The following TNRC6B variants were observed in gnomAD, a reference collection of about 807,000 sequenced individuals.
The protein encoded by TNRC6B is trinucleotide repeat containing adaptor 6B.
A neutral mutation model predicts 203.6 loss-of-function variants in TNRC6B; 52 were observed. The observed-to-expected ratio is 0.26, with a 90% CI of 0.20 to 0.32. The LOEUF is 0.32. TNRC6B is among the 10% of genes least tolerant of loss of function. TNRC6B has a pLI of 1.00. For missense variants in TNRC6B, 1,923 were observed against 2,286.2 expected (o/e 0.84, Z 3.24); for synonymous variants, 838 against 845.7 (o/e 0.99, Z 0.16).
chr22:40,149,087 T>G (rs569985295), intron 3 of TNRC6B, among the ~76,000 whole-genome samples: 6 of 152,358 alleles, frequency 3.9e-5, no homozygotes, highest in African/African-American at 1.4e-4. Context: ...TGAGTGTTCA[T>G]AGCAGCTTTA....
intron 1 of TNRC6B, among the ~76,000 whole-genome samples, chr22:40,115,503 A>T (rs1476768545): frequency 6.6e-6 from 1 of 152,282 alleles, no homozygotes; most frequent in East Asian, 1.9e-4. Context: ...ACATTCAAGT[A>T]CTGAATTGCT....
chr22:40,166,238 T>G (rs7285909), intron 4 of TNRC6B, among the ~76,000 whole-genome samples: 103,109 of 151,976 alleles, frequency 0.68, 36,746 homozygotes, highest in African/African-American at 0.9. Context: ...AAAAGCAAAC[T>G]AATTTCAAAG....
In TNRC6B at chr22:40,312,566, T is replaced by C; in HGVS notation, c.4497T>C (p.Tyr1499=). The change falls in exon 18 of 23, where the codon TAT becomes TAC. Residue 1499 remains tyrosine, a synonymous_variant. Transcript: ENST00000454349. ...ACATTGACCCTGAATCTGACCCCTA[T>C]GTCACCCCAGGAAGTGTGCTGGGGG... ...IQNIDPESDP[Y]VTPGSVLGGT... 6.2e-7 allele frequency: 1 copy of C among 1,614,088 alleles called. No homozygotes were observed. The highest frequency in any genetic ancestry group is 1.3e-5 in the African/African-American group (1 of 75,006).
chr22:40,315,685 A>AAAGTGACCCAAGAACTCCC (rs1555899856), intron 20 of TNRC6B, among the ~76,000 whole-genome samples, 178 bp downstream of exon 20: 3 of 151,900 alleles, frequency 2.0e-5, no homozygotes, highest in African/African-American at 4.8e-5. Flanking sequence ...AGTATAAGGC[A>AAAGTGACCCAAGAACTCCC]AAGGGACAGA....
intron 1 of TNRC6B, among the ~76,000 whole-genome samples, chr22:40,212,943 G>A (rs931902807): frequency 1.3e-5 from 2 of 152,060 alleles, no homozygotes; most frequent in East Asian, 1.9e-4. Context: ...AGCCACCGCC[G>A]CGCCTGGCCC....
intron 1 of TNRC6B, among the ~76,000 whole-genome samples, chr22:40,235,987 A>T (rs1271013974): frequency 1.3e-5 from 2 of 152,190 alleles, no homozygotes; most frequent in African/African-American, 4.8e-5. Context: ...AATTTTTGAG[A>T]TAATTGTAGG....
intron 3 of TNRC6B, among the ~76,000 whole-genome samples, chr22:40,133,440 C>A (rs79709403): frequency 6.6e-6 from 1 of 152,192 alleles, no homozygotes; most frequent in African/African-American, 2.4e-5. Flanking sequence ...CTCTGCATTT[C>A]GGGCACTTTT....
chr22:40,250,445 T>C (rs2070175520), intron 2 of TNRC6B, among the ~76,000 whole-genome samples: 1 of 152,088 alleles, frequency 6.6e-6, no homozygotes, highest in Admixed American at 6.6e-5. Context: ...TATTAGTTAC[T>C]ATATAAAGAA....
chr22:40,280,020 T>A lies in TNRC6B; in HGVS notation c.3288T>A (p.Asp1096Glu). The change falls in exon 10 of 23, where the codon GAT (aspartate) becomes GAA (glutamate). Residue 1096 changes from aspartate to glutamate, a missense_variant. Transcript: ENST00000454349. ...GAAGCCTTTCAGATAAAAAATTTGA[T>A]GTGGACAAGCGAGCGATGAATCTCG... ...SVGSLSDKKFDVDKRAMNLGD... is the reference protein window; with the variant it reads ...SVGSLSDKKFEVDKRAMNLGD... 6.2e-7 allele frequency: 1 copy of A among 1,613,908 alleles called. No individual in the cohort carries two copies.
intron 1 of TNRC6B, among the ~76,000 whole-genome samples, chr22:40,085,076 T>C (rs1174447466): frequency 6.6e-6 from 1 of 152,218 alleles, no homozygotes; most frequent in Non-Finnish European, 1.5e-5. Context: ...GTCAGACTGC[T>C]GTGTTGTGAG....
intron 1 of TNRC6B, among the ~76,000 whole-genome samples, chr22:40,226,332 A>G (rs2146443263): frequency 6.6e-6 from 1 of 152,234 alleles, no homozygotes; most frequent in African/African-American, 2.4e-5. Context: ...ATTTTTTTCA[A>G]TACCAAGATA....
At chr22:40,162,549 TATAG>T (rs2068880162) in intron 4 of TNRC6B, among the ~76,000 whole-genome samples, 1 of 152,238 alleles carries the variant, frequency 6.6e-6, no homozygotes, top group African/African-American at 2.4e-5. Flanking sequence ...TCATAGATTT[TATAG>T]ATAATCATCT....
chr22:40,171,936 C>A (rs1427927529), intron 4 of TNRC6B, among the ~76,000 whole-genome samples: 1 of 152,204 alleles, frequency 6.6e-6, no homozygotes, highest in African/African-American at 2.4e-5. Context: ...TTTCAGCTCA[C>A]TGCAGCCTCC....
At chr22:40,281,431 T>C in intron 11 of TNRC6B, 142 bp downstream of exon 11, 1 of 607,582 alleles carries the variant, frequency 1.6e-6, no homozygotes, top group South Asian at 5.1e-5. Context: ...AGGTTCTAGA[T>C]CTTTCAGCCC....
chr22:40,248,268 C>T (rs965643147), intron 2 of TNRC6B, among the ~76,000 whole-genome samples: 1 of 152,188 alleles, frequency 6.6e-6, no homozygotes, highest in Admixed American at 6.5e-5. Context: ...CCCTCCACCT[C>T]CAACTGGAGG....
At chr22:40,276,573 A>G (rs2070647791) in intron 7 of TNRC6B, among the ~76,000 whole-genome samples, 3 of 152,170 alleles carry the variant, frequency 2.0e-5, no homozygotes, top group Admixed American at 1.3e-4. Context: ...GGTGTCTTCC[A>G]CTAGGTCTCT....
intron 14 of TNRC6B, 50 bp downstream of exon 14, chr22:40,301,055 C>G (rs2071016276): frequency 6.3e-7 from 1 of 1,584,736 alleles, no homozygotes; most frequent in African/African-American, 1.3e-5. Context: ...GGAGTACATC[C>G]CGGCTTAGCC....
At chr22:40,068,553 G>A (rs1409086885) in intron 1 of TNRC6B, among the ~76,000 whole-genome samples, 1 of 151,706 alleles carries the variant, frequency 6.6e-6, no homozygotes, top group African/African-American at 2.4e-5. Flanking sequence ...CCTAGCCTCA[G>A]GTGATCCTCC....
chr22:40,200,174 C>T (rs373922663), intron 1 of TNRC6B, among the ~76,000 whole-genome samples: 21 of 151,674 alleles, frequency 1.4e-4, no homozygotes, highest in East Asian at 1.4e-3. Context: ...TTGACAACTT[C>T]CCCTCAATGG....
Sources: allele counts gnomAD v4.1 joint callset (sites outside exome capture counted in the v4.1 genomes callset), GRCh38; gene constraint gnomAD v4.1.1; transcripts MANE v1.5; gene names NCBI Gene and HGNC (gene_info 2026-07-23, HGNC 2026-07-21).